RASGEF1A: variants seen among roughly 807,000 people sequenced by gnomAD.
RASGEF1A encodes the protein RasGEF domain family member 1A, also known as ras-GEF domain-containing family member 1A.
RASGEF1A carries 18 observed loss-of-function variants against 56.4 expected under a neutral mutation model. The observed-to-expected ratio is 0.32, with a 90% CI of 0.22 to 0.47. The LOEUF is 0.47. Ranked by LOEUF, RASGEF1A falls within the 20% of genes least tolerant of loss-of-function variation. RASGEF1A has a pLI of 1.00. For synonymous variants in RASGEF1A, 245 were observed against 242.6 expected (o/e 1.01, Z -0.09); for missense variants, 422 against 627.1 (o/e 0.67, Z 3.49).
chr10:43,217,612 C>T (rs1034213117), intron 1 of RASGEF1A, among the ~76,000 whole-genome samples: 16 of 152,262 alleles, frequency 1.1e-4, no homozygotes, highest in African/African-American at 3.6e-4. Context: ...AGGCAAGTGA[C>T]ACCTGCCTGG....
intron 2 of RASGEF1A, among the ~76,000 whole-genome samples, chr10:43,204,627 T>G (rs746383548): frequency 2.0e-5 from 3 of 151,892 alleles, no homozygotes; most frequent in South Asian, 2.1e-4. Context: ...TTTGTGTGCA[T>G]GTGTGAGTGT....
intron 1 of RASGEF1A, among the ~76,000 whole-genome samples, chr10:43,247,890 C>T (rs557729838): frequency 2.6e-5 from 4 of 151,940 alleles, no homozygotes; most frequent in South Asian, 2.1e-4. Context: ...GGTGAAACCC[C>T]GTCTCTACTA....
intron 1 of RASGEF1A, among the ~76,000 whole-genome samples, chr10:43,243,268 G>A (rs540425842): frequency 2.5e-4 from 37 of 148,820 alleles, no homozygotes; most frequent in Admixed American, 7.3e-4. Context: ...GCTGCCCATC[G>A]TCTGGGATGT....
At chr10:43,221,538 C>G (rs949889041) in intron 1 of RASGEF1A, among the ~76,000 whole-genome samples, 12 of 152,198 alleles carry the variant, frequency 7.9e-5, no homozygotes, top group Non-Finnish European at 1.5e-4. Flanking sequence ...CCCAGGGCAA[C>G]CAGCACAGGG....
rs150776979 is a variant in RASGEF1A at position 43,257,390 on chromosome 10, C to A, written c.-7+9455G>T. On this transcript the variant is annotated intron_variant, in intron 1 of 12. Coordinates refer to ENST00000395810, the MANE Select transcript of RASGEF1A (RefSeq NM_145313.4). ...ATCAGCCACATGGGGCCTTGCCCAG[C>A]GAGTCCCACCCATGCAGTGTTTGGT... is the stretch of plus-strand genomic sequence containing the variant. 4.9e-3 allele frequency among the ~76,000 whole-genome samples: 742 copies of A among 152,360 alleles called. 9 individuals carry two copies. Among genetic ancestry groups the A allele is most frequent in the African/African-American group, 0.017 (700 of 41,590 alleles).
At chr10:43,244,986 TA>T (rs1032217547) in intron 1 of RASGEF1A, among the ~76,000 whole-genome samples, 3 of 144,780 alleles carry the variant, frequency 2.1e-5, no homozygotes, top group African/African-American at 5.1e-5. Context: ...AAATAGAGAG[TA>T]AAAAAAAATT....
chr10:43,229,548 G>A (rs1483261706), intron 1 of RASGEF1A: 75 of 1,172,992 alleles, frequency 6.4e-5, no homozygotes, highest in Non-Finnish European at 8.4e-5. Flanking sequence ...GCACGGGTCG[G>A]GATGCAGGGG....
chr10:43,205,154 G>T (rs976982587), intron 2 of RASGEF1A, among the ~76,000 whole-genome samples: 1 of 152,204 alleles, frequency 6.6e-6, no homozygotes, highest in Non-Finnish European at 1.5e-5. Context: ...CAAGCTGTCT[G>T]ACTCCCAGGC....
intron 4 of RASGEF1A, 117 bp from the exon 5 acceptor site, chr10:43,201,005 C>T: frequency 3.4e-6 from 3 of 877,914 alleles, no homozygotes; most frequent in Non-Finnish European, 5.3e-6. Context: ...GCCCACAGCC[C>T]CTATCTAAAC....
intron 1 of RASGEF1A, among the ~76,000 whole-genome samples, chr10:43,226,729 T>A (rs1000848011): frequency 2.0e-5 from 3 of 152,116 alleles, no homozygotes; most frequent in Non-Finnish European, 4.4e-5. Context: ...GACCTCAATT[T>A]CCCCAGATGT....
chr10:43,197,082 G>A lies in RASGEF1A; in HGVS notation c.1242C>T (p.Ser414=). The A allele has an allele frequency of 1.2e-6, 2 of 1,613,894 alleles. No homozygotes were observed. The highest frequency in any genetic ancestry group is 1.7e-6 in the Non-Finnish European group (2 of 1,179,932). ...HINFKKFWEI[S]RQIHEFMTWT... ...ATGTCATGAACTCATGGATCTGTCT[G>A]GAGATCTCCCAGAATTTCTGAAGGG... Residue 414 remains serine, a synonymous_variant, in exon 11 of 13, where the codon TCC becomes TCT. Transcript: ENST00000395810.
intron 1 of RASGEF1A, among the ~76,000 whole-genome samples, chr10:43,240,128 A>T (rs1367660722): frequency 6.6e-6 from 1 of 152,252 alleles, no homozygotes; most frequent in Non-Finnish European, 1.5e-5. Context: ...TCAGCTGCTT[A>T]GCTGAGAGCT....
chr10:43,221,708 C>T (rs78489939), intron 1 of RASGEF1A, among the ~76,000 whole-genome samples: 2,675 of 152,338 alleles, frequency 0.018, 74 homozygotes, highest in African/African-American at 0.061. Flanking sequence ...AGGCCAGGGT[C>T]CAAGGGGCCC....
chr10:43,264,314 A>C (rs1836586202), intron 1 of RASGEF1A, among the ~76,000 whole-genome samples: 1 of 151,584 alleles, frequency 6.6e-6, no homozygotes, highest in African/African-American at 2.4e-5. Flanking sequence ...GGATACACCC[A>C]AAAAGTGGGC....
rs1281480213 is a variant in RASGEF1A at position 43,195,997 on chromosome 10, C to T, written c.*247G>A. On this transcript the variant is annotated 3_prime_UTR_variant, in exon 13 of 13. Coordinates refer to ENST00000395810, the MANE Select transcript of RASGEF1A (RefSeq NM_145313.4). The surrounding 1 kb of genome is among the most constrained non-coding windows in gnomAD (Gnocchi z 4.2). ...TTAGAATAAGATGTTATCATGGATA[C>T]CATCTCCCATGATACTCTCCCCTCC... is the stretch of plus-strand genomic sequence containing the variant. The T allele has an allele frequency of 3.1e-5, 11 of 358,750 alleles. No homozygotes were observed. The highest frequency in any genetic ancestry group is 1.8e-4 in the Admixed American group (4 of 22,304). 22.2% of individuals were successfully genotyped at this position (358,750 alleles called of 1,614,324 possible).
intron 1 of RASGEF1A, chr10:43,207,938 C>T (rs966773123): frequency 2.7e-6 from 2 of 732,216 alleles, no homozygotes; most frequent in African/African-American, 3.8e-5. Flanking sequence ...CTCCAGGAAG[C>T]CTCCCTGGGT....
At position 43,196,886 on chromosome 10, in the gene RASGEF1A, C is replaced by G. The variant is rs999672354; in HGVS notation, c.1348+90G>C. ...TGTGTGGCATGGAGCAGCCAGCAGG[C>G]CATCTCCCAGGGCAACCCCAAAGAG... On this transcript the variant is annotated intron_variant, in intron 11 of 12. Transcript: ENST00000395810. This position sits in a 1 kb window ranked among gnomAD's most constrained non-coding sequence, Gnocchi z 4.6. 7.3e-6 allele frequency: 11 copies of G among 1,501,368 alleles called. No individual in the cohort carries two copies. Among genetic ancestry groups the G allele is most frequent in the Non-Finnish European group, 1.0e-5 (11 of 1,104,836 alleles). The allele number at this position is 1,501,368 out of a possible 1,614,324, so 93.0% of individuals were successfully genotyped here. A position where few individuals can be genotyped will look rare whatever the true frequency, so the allele number is the denominator to read the frequency against.
intron 2 of RASGEF1A, 145 bp from the exon 3 acceptor site, chr10:43,203,565 G>A: frequency 3.0e-6 from 4 of 1,333,772 alleles, no homozygotes; most frequent in Non-Finnish European, 4.0e-6. Context: ...GGTTCCCTTC[G>A]CCTTGCAGGC....
Position 43,236,172 on chromosome 10 carries a change from A to G in RASGEF1A, c.-6-30050T>C, listed in dbSNP as rs76936114. ...GCAAAAATAATGTTAAAGGTAATAT[A>G]GAGTGTGAGCTTAAGCGTCAGGGAA... is the stretch of plus-strand genomic sequence containing the variant. On this transcript the variant is annotated intron_variant, in intron 1 of 12. Coordinates refer to ENST00000395810, the MANE Select transcript of RASGEF1A (RefSeq NM_145313.4). 3.7e-3 allele frequency among the ~76,000 whole-genome samples: 560 copies of G among 152,302 alleles called. 4 individuals are homozygous for G. The highest frequency in any genetic ancestry group is 5.9e-3 in the Non-Finnish European group (399 of 68,032).
Sources: gnomAD v4.1 joint callset for allele counts (sites outside exome capture counted in the v4.1 genomes callset) on GRCh38, gnomAD v4.1.1 for gene constraint, Gnocchi (gnomAD v3.1) non-coding constraint, MANE v1.5 for transcripts, NCBI Gene and HGNC (gene_info 2026-07-23, HGNC 2026-07-21) for gene names.